Variants in SNTG2 observed in about 807,000 individuals in gnomAD.
SNTG2 encodes the protein gamma-2-syntrophin.
Under a neutral mutation model 70.9 loss-of-function variants are expected in SNTG2, and 74 were observed. The observed-to-expected ratio is 1.04, with a 90% CI of 0.86 to 1.27. The LOEUF (loss-of-function observed/expected upper bound fraction) is 1.27. SNTG2 is among the 50% of genes most tolerant of loss of function. SNTG2 has a pLI of 0.00. For missense variants in SNTG2, 717 were observed against 690.7 expected, an observed-to-expected ratio of 1.04 and a Z score of -0.43; for synonymous variants, 278 against 273.8, an observed-to-expected ratio of 1.02 and a Z score of -0.15.
chr2:1,145,618 C>A (rs1435386971), intron 6 of SNTG2, among the ~76,000 whole-genome samples: 1 of 152,296 alleles, frequency 6.6e-6, no homozygotes, highest in African/African-American at 2.4e-5. Context: ...TGAGTTCTAC[C>A]AAACATTACA....
chr2:1,245,247 C>T (rs1459626011), intron 11 of SNTG2, among the ~76,000 whole-genome samples: 1 of 150,890 alleles, frequency 6.6e-6, no homozygotes, highest in Admixed American at 6.6e-5. Flanking sequence ...TGCACATGTA[C>T]CCTAAAACTT....
chr2:1,137,833 T>G (rs766347698), intron 6 of SNTG2, 24 bp downstream of exon 6: 1 of 1,571,898 alleles, frequency 6.4e-7, no homozygotes, highest in Non-Finnish European at 8.7e-7. Flanking sequence ...ATTTTATAGT[T>G]ATTCTGTTTA....
rs528969992 is a variant in SNTG2 at position 955,715 on chromosome 2, C to A, written c.72+4647C>A. Among the ~76,000 whole-genome samples, 10 of 152,368 alleles carry A rather than the reference C, an allele frequency of 6.6e-5. No individual in the cohort carries two copies. In the South Asian group the frequency reaches 2.1e-3, roughly 32 times the overall value. Reference sequence around the variant, plus strand: ...GATTCCATGGAAGAATGTTTCTGTTCGTTGAGCGGGTGTTTAGAAAATAAT... The same window carrying A: ...GATTCCATGGAAGAATGTTTCTGTTAGTTGAGCGGGTGTTTAGAAAATAAT... On this transcript the variant is annotated intron_variant, in intron 1 of 16. Transcript: ENST00000308624.
intron 1 of SNTG2, among the ~76,000 whole-genome samples, chr2:966,646 C>A (rs993616815): frequency 6.6e-6 from 1 of 152,100 alleles, no homozygotes; most frequent in African/African-American, 2.4e-5. Flanking sequence ...AAAAGTATTT[C>A]AAAAACAAAT....
chr2:1,310,886 C>A (rs1344849841), intron 15 of SNTG2, among the ~76,000 whole-genome samples: 1 of 152,158 alleles, frequency 6.6e-6, no homozygotes, highest in Admixed American at 6.6e-5. Flanking sequence ...GGTTGTGAGC[C>A]CTTAGGGTAA....
chr2:993,861 T>A (rs1661586210), intron 1 of SNTG2, among the ~76,000 whole-genome samples: 1 of 152,164 alleles, frequency 6.6e-6, no homozygotes, highest in South Asian at 2.1e-4. Context: ...TCTTTTTCGG[T>A]TGTGAGTGTT....
At chr2:1,002,019 T>C (rs1313573619) in intron 1 of SNTG2, among the ~76,000 whole-genome samples, 1 of 152,100 alleles carries the variant, frequency 6.6e-6, no homozygotes, top group Non-Finnish European at 1.5e-5. Flanking sequence ...AATGTAAGGA[T>C]ACCCTATCCA....
At chr2:1,209,532 G>A (rs1673899193) in intron 9 of SNTG2, among the ~76,000 whole-genome samples, 1 of 152,166 alleles carries the variant, frequency 6.6e-6, no homozygotes, top group South Asian at 2.1e-4. Context: ...AATGCTAACA[G>A]AATTAGACTG....
chr2:997,401 A>G (rs1661721794), intron 1 of SNTG2, among the ~76,000 whole-genome samples: 2 of 152,190 alleles, frequency 1.3e-5, no homozygotes, highest in Admixed American at 1.3e-4. Context: ...CAGAAAATGA[A>G]GTGAGAGATG....
intron 4 of SNTG2, among the ~76,000 whole-genome samples, chr2:1,105,414 A>G (rs997711468): frequency 2.6e-5 from 4 of 152,144 alleles, no homozygotes; most frequent in African/African-American, 9.7e-5. Context: ...ATTCTTAGAT[A>G]TGGTGTCCTT....
At chr2:1,243,335 G>A (rs140928627) in intron 11 of SNTG2, among the ~76,000 whole-genome samples, 2 of 152,304 alleles carry the variant, frequency 1.3e-5, no homozygotes, top group African/African-American at 4.8e-5. Flanking sequence ...AGGGAGGTGG[G>A]TGTACAGCTC....
intron 12 of SNTG2, chr2:1,256,644 A>G (rs764919824): frequency 1.3e-5 from 2 of 152,162 alleles, no homozygotes; most frequent in Non-Finnish European, 2.9e-5. Context: ...TCTGGCAGAA[A>G]CTCAGAGGAA....
chr2:1,252,613 C>T (rs1156439950), intron 12 of SNTG2, among the ~76,000 whole-genome samples: 2 of 152,158 alleles, frequency 1.3e-5, no homozygotes, highest in East Asian at 1.9e-4. Context: ...GAAGATGCTG[C>T]CTGGTTACAG....
chr2:1,116,797 C>T (rs1667022597), intron 4 of SNTG2, among the ~76,000 whole-genome samples: 1 of 144,988 alleles, frequency 6.9e-6, no homozygotes, highest in South Asian at 2.2e-4. Flanking sequence ...TGTGTGGGTG[C>T]CCTGGTTTAC....
intron 14 of SNTG2, among the ~76,000 whole-genome samples, chr2:1,293,614 G>A (rs1308499825): frequency 1.3e-5 from 2 of 151,928 alleles, no homozygotes; most frequent in Non-Finnish European, 2.9e-5. Context: ...CATTGGTTGT[G>A]TAAGAATGGG....
intron 1 of SNTG2, among the ~76,000 whole-genome samples, chr2:1,016,448 C>T (rs1417815380): frequency 6.6e-6 from 1 of 152,172 alleles, no homozygotes; most frequent in Non-Finnish European, 1.5e-5. Flanking sequence ...ACCATGTTGG[C>T]CAGGTTGGCC....
At chr2:1,203,496 TAAA>T (rs567779451) in intron 8 of SNTG2, among the ~76,000 whole-genome samples, 1 of 135,108 alleles carries the variant, frequency 7.4e-6, no homozygotes, top group African/African-American at 2.7e-5. Context: ...CATCTCTACT[TAAA>T]AAAAAAAAGC....
intron 1 of SNTG2, among the ~76,000 whole-genome samples, chr2:956,906 C>G (rs1660181300): frequency 6.6e-6 from 1 of 152,128 alleles, no homozygotes. Flanking sequence ...TTTAGAATAG[C>G]TATGTTTTGA....
chr2:1,284,807 T>A (rs1679700831), intron 14 of SNTG2, among the ~76,000 whole-genome samples: 2 of 150,894 alleles, frequency 1.3e-5, no homozygotes, highest in Admixed American at 6.6e-5. Context: ...TTCAGTTTTG[T>A]TTATTAATGA....
Sources: gnomAD v4.1 joint callset for allele counts (sites outside exome capture counted in the v4.1 genomes callset) on GRCh38, gnomAD v4.1.1 for gene constraint, MANE v1.5 for transcripts, NCBI Gene and HGNC (gene_info 2026-07-23, HGNC 2026-07-21) for gene names.